Variants in TXNDC16 observed in about 807,000 individuals in gnomAD.
TXNDC16 encodes the protein thioredoxin domain-containing protein 16.
Under a neutral mutation model 85.6 loss-of-function variants are expected in TXNDC16, and 74 were observed. That is an observed-to-expected ratio of 0.86 (90% confidence interval 0.72 to 1.05). The LOEUF (loss-of-function observed/expected upper bound fraction) is 1.05, where lower values mean the gene tolerates loss of function less well. TXNDC16 is among the 50% of genes least tolerant of loss of function. The pLI, the probability that TXNDC16 is intolerant of heterozygous loss-of-function variation, is 0.00. For missense variants in TXNDC16, 959 were observed against 947.0 expected, an observed-to-expected ratio of 1.01 and a Z score of -0.17; for synonymous variants, 335 against 326.5, an observed-to-expected ratio of 1.03 and a Z score of -0.28.
chr14:52,525,384 T>C (rs1381559482), intron 6 of TXNDC16, among the ~76,000 whole-genome samples: 3 of 151,978 alleles, frequency 2.0e-5, no homozygotes, highest in Admixed American at 6.6e-5. Flanking sequence ...AAATTGCTCA[T>C]ATTCTCAATC....
At chr14:52,482,323 A>G (rs372790584) in intron 13 of TXNDC16, 34 bp from the exon 14 acceptor site, 287 of 1,545,764 alleles carry the variant, frequency 1.9e-4, no homozygotes, top group Non-Finnish European at 2.5e-4. Flanking sequence ...CAGATATTAC[A>G]TGTATATCTA....
intron 11 of TXNDC16, among the ~76,000 whole-genome samples, chr14:52,489,737 C>A (rs34169233): frequency 2.0e-5 from 3 of 152,100 alleles, no homozygotes; most frequent in Non-Finnish European, 4.4e-5. Context: ...ACATCATCAG[C>A]ACAACCAGTG....
At chr14:52,504,951 A>G (rs2036757329) in intron 9 of TXNDC16, among the ~76,000 whole-genome samples, 1 of 152,224 alleles carries the variant, frequency 6.6e-6, no homozygotes, top group Non-Finnish European at 1.5e-5. Flanking sequence ...CTTTAAACCA[A>G]CAAAGATCAA....
intron 9 of TXNDC16, among the ~76,000 whole-genome samples, chr14:52,500,269 C>G (rs2036625829): frequency 6.6e-6 from 1 of 152,186 alleles, no homozygotes; most frequent in Admixed American, 6.5e-5. Flanking sequence ...GAATATTATT[C>G]AGCCTTAAAA....
At chr14:52,449,394 G>A (rs1406300634) in intron 18 of TXNDC16, among the ~76,000 whole-genome samples, 3 of 152,090 alleles carry the variant, frequency 2.0e-5, no homozygotes, top group African/African-American at 2.4e-5. Flanking sequence ...ATAGCAAGAA[G>A]ATATAACAAT....
At chr14:52,447,900 A>G (rs1005226471) in intron 18 of TXNDC16, among the ~76,000 whole-genome samples, 7 of 152,144 alleles carry the variant, frequency 4.6e-5, no homozygotes, top group Admixed American at 3.3e-4. Flanking sequence ...CTAAACTAAC[A>G]TATGTAGAAT....
intron 16 of TXNDC16, among the ~76,000 whole-genome samples, chr14:52,462,069 G>C (rs2035664385): frequency 6.6e-6 from 1 of 152,138 alleles, no homozygotes; most frequent in African/African-American, 2.4e-5. Context: ...TTTGAAACTA[G>C]ATTTACCAAA....
intron 8 of TXNDC16, among the ~76,000 whole-genome samples, chr14:52,514,618 G>A (rs903128591): frequency 1.6e-4 from 24 of 152,042 alleles, no homozygotes; most frequent in African/African-American, 5.6e-4. Context: ...AAGATATCCC[G>A]CTTGGCCACT....
chr14:52,434,934 G>A (rs374669003), intron 20 of TXNDC16, among the ~76,000 whole-genome samples: 3 of 152,168 alleles, frequency 2.0e-5, no homozygotes, highest in Non-Finnish European at 4.4e-5. Flanking sequence ...TAGAAGACAC[G>A]CCAGTCTCTC....
At chr14:52,512,041 G>T (rs2036968631) in intron 8 of TXNDC16, among the ~76,000 whole-genome samples, 1 of 152,088 alleles carries the variant, frequency 6.6e-6, no homozygotes, top group African/African-American at 2.4e-5. Context: ...CATTAGTAGG[G>T]TTTGGCAAAA....
intron 18 of TXNDC16, among the ~76,000 whole-genome samples, chr14:52,451,250 A>C (rs2035404919): frequency 2.6e-5 from 4 of 151,314 alleles, no homozygotes; most frequent in Admixed American, 2.6e-4. Flanking sequence ...TTCCCCAATA[A>C]CCTATTGAAA....
intron 9 of TXNDC16, among the ~76,000 whole-genome samples, chr14:52,503,187 T>C (rs2036703499): frequency 2.0e-5 from 3 of 152,204 alleles, no homozygotes; most frequent in Admixed American, 6.5e-5. Context: ...CAAAAACCTC[T>C]GCAGACTTAA....
chr14:52,522,945 G>C (rs919529846), intron 6 of TXNDC16, among the ~76,000 whole-genome samples: 11 of 152,136 alleles, frequency 7.2e-5, no homozygotes, highest in Non-Finnish European at 5.9e-5. Context: ...CCTGCCTAAT[G>C]TCCCAAAGCT....
At chr14:52,436,439 G>A (rs1440806236) in intron 20 of TXNDC16, among the ~76,000 whole-genome samples, 5 of 152,118 alleles carry the variant, frequency 3.3e-5, no homozygotes, top group East Asian at 1.9e-4. Context: ...GAGAGTGACC[G>A]CTAATGGGTA....
At chr14:52,491,845 G>C (rs776210988) in intron 9 of TXNDC16, among the ~76,000 whole-genome samples, 1 of 152,166 alleles carries the variant, frequency 6.6e-6, no homozygotes, top group African/African-American at 2.4e-5. Flanking sequence ...GAAGAGAAAA[G>C]ATAGCACAAT....
chr14:52,461,800 C>T (rs982236574), intron 16 of TXNDC16, among the ~76,000 whole-genome samples: 5 of 152,222 alleles, frequency 3.3e-5, no homozygotes, highest in Non-Finnish European at 5.9e-5. Context: ...CCTGTCCAGA[C>T]CCCAGAATCT....
At chr14:52,504,172 C>T (rs2036732115) in intron 9 of TXNDC16, among the ~76,000 whole-genome samples, 1 of 152,108 alleles carries the variant, frequency 6.6e-6, no homozygotes, top group Non-Finnish European at 1.5e-5. Context: ...GAGAACTTCC[C>T]CAGTCTAGCA....
chr14:52,450,856 TATATATA>T (rs1566533854), intron 18 of TXNDC16, among the ~76,000 whole-genome samples: 10 of 1,028 alleles, frequency 9.7e-3, no homozygotes, highest in African/African-American at 0.048. Context: ...ATGTGTTTTA[TATATATA>T]TATATATATA....
At chr14:52,440,455 G>A (rs1210120289) in intron 19 of TXNDC16, 109 bp downstream of exon 19, 1 of 846,140 alleles carries the variant, frequency 1.2e-6, no homozygotes, top group Non-Finnish European at 1.6e-6. Flanking sequence ...GACATATTTG[G>A]TTCCATAAAA....
Sources: allele counts gnomAD v4.1 joint callset (sites outside exome capture counted in the v4.1 genomes callset), GRCh38; gene constraint gnomAD v4.1.1; transcripts MANE v1.5; gene names NCBI Gene and HGNC (gene_info 2026-07-23, HGNC 2026-07-21).